Variants in HDGFL2 observed in about 807,000 individuals in gnomAD.
HDGFL2 encodes the protein HDGF like 2.
Under a neutral mutation model 77.1 loss-of-function variants are expected in HDGFL2, and 36 were observed. That is an observed-to-expected ratio of 0.47 (90% CI 0.36 to 0.62). The LOEUF (loss-of-function observed/expected upper bound fraction) is 0.62. Among genes scored for constraint, HDGFL2 ranks in the 20% least tolerant of loss-of-function variants. The probability of loss-of-function intolerance (pLI) is 0.00; values close to 1 mark genes in which losing one functional copy is unlikely to be tolerated. For missense variants in HDGFL2, 976 were observed against 973.4 expected (o/e 1.00, Z -0.04); for synonymous variants, 463 against 413.1 (o/e 1.12, Z -1.46).
At position 4,498,319 on chromosome 19, in the gene HDGFL2, G is replaced by A. The variant is rs1393328287; in HGVS notation, c.1416G>A (p.Glu472=). The change falls in exon 12 of 16, where the codon GAG becomes GAA. Residue 472 remains glutamate, a synonymous_variant. Coordinates refer to ENST00000616600, the MANE Select transcript of HDGFL2 (RefSeq NM_001001520.3). ...CTCCTGGCCCAGAGCCCTCCGTGGA[G>A]GAGAAGCTGCAGAAGCTGCACAGTG... is the stretch of plus-strand genomic sequence containing the variant. ...KVEKKKEPSV[E]EKLQKLHSEI... is the part of the protein sequence containing the mutation. The A allele has an allele frequency of 6.2e-7, 1 of 1,613,620 alleles. No individual in the cohort carries two copies. The highest frequency in any genetic ancestry group is 2.2e-5 in the East Asian group (1 of 44,884).
At chr19:4,493,381 T>C (rs1161450023) in intron 6 of HDGFL2, among the ~76,000 whole-genome samples, 1 of 151,608 alleles carries the variant, frequency 6.6e-6, no homozygotes, top group Non-Finnish European at 1.5e-5. Flanking sequence ...GCAGCTTGTC[T>C]GATGTGGCCT....
At chr19:4,496,663 T>C (rs544896707) in intron 10 of HDGFL2, among the ~76,000 whole-genome samples, 1 of 152,212 alleles carries the variant, frequency 6.6e-6, no homozygotes, top group South Asian at 2.1e-4. Context: ...TCTGTGGTTG[T>C]CATGACTGGG....
At chr19:4,491,271 C>T (rs1599714744) in intron 4 of HDGFL2, among the ~76,000 whole-genome samples, 1 of 114,960 alleles carries the variant, frequency 8.7e-6, no homozygotes, top group Non-Finnish European at 1.9e-5. Context: ...ACCCCCCCAC[C>T]CCCCCACCCC....
chr19:4,499,776 T>C (rs2145219163), intron 14 of HDGFL2, 72 bp downstream of exon 14: 1 of 1,206,924 alleles, frequency 8.3e-7, no homozygotes, highest in East Asian at 2.4e-5. Context: ...TGCAGAACAT[T>C]CCAGAAGGGG....
intron 1 of HDGFL2, 24 bp downstream of exon 1, chr19:4,472,446 C>T: frequency 7.7e-6 from 1 of 130,314 alleles, no homozygotes; most frequent in Non-Finnish European, 1.3e-5. Flanking sequence ...GGAGATGGGG[C>T]CGGTGGGGGG....
At chr19:4,485,098 G>A (rs935922482) in intron 3 of HDGFL2, among the ~76,000 whole-genome samples, 3 of 152,138 alleles carry the variant, frequency 2.0e-5, no homozygotes, top group Admixed American at 6.5e-5. Context: ...GAGCCACTGC[G>A]CCTGGCCCAG....
In HDGFL2 at chr19:4,483,224, G is replaced by C. The variant is rs554213329; in HGVS notation, c.289-5452G>C. ...GACACAAGGGAGACAAAACGTGCTCGGGCCGAGCGGTGACGCTTCACCACA... is the reference window on the plus strand; with the variant it reads ...GACACAAGGGAGACAAAACGTGCTCCGGCCGAGCGGTGACGCTTCACCACA... On this transcript the variant is annotated intron_variant, in intron 3 of 15. Coordinates refer to ENST00000616600, the MANE Select transcript of HDGFL2 (RefSeq NM_001001520.3). Among the ~76,000 whole-genome samples, 147 of 152,278 alleles carry C rather than the reference G, an allele frequency of 9.7e-4. 1 individual carries two copies. Among genetic ancestry groups the C allele is most frequent in the Middle Eastern group, 3.4e-3 (1 of 294 alleles).
intron 9 of HDGFL2, 28 bp from the exon 10 acceptor site, chr19:4,496,274 T>A: frequency 1.3e-6 from 2 of 1,593,984 alleles, no homozygotes; most frequent in Non-Finnish European, 1.7e-6. Flanking sequence ...TTCCCACTGC[T>A]CCAGCGCGCC....
At position 4,494,296 on chromosome 19, in the gene HDGFL2, G is replaced by GAGAAGGAGC. The variant is rs1284880694; in HGVS notation, c.1046_1054dup (p.Glu351_Arg352insGlnLysGlu). 4.2e-6 allele frequency: 6 copies of GAGAAGGAGC among 1,445,152 alleles called. No homozygotes were observed. The highest frequency in any genetic ancestry group is 2.9e-5 in the South Asian group (2 of 68,996). 89.5% of individuals were successfully genotyped at this position (1,445,152 alleles called of 1,614,324 possible). On this transcript the variant is annotated inframe_insertion, in exon 9 of 16. Transcript: ENST00000616600. ...GCGCCTGCGGGAGCAGGAGAAGGAG[G>GAGAAGGAGC]AGAAGGAGCGGAGGCGCGAGCGGGC...
At chr19:4,479,416 T>C (rs923092529) in intron 3 of HDGFL2, among the ~76,000 whole-genome samples, 4 of 147,918 alleles carry the variant, frequency 2.7e-5, no homozygotes, top group Non-Finnish European at 6.0e-5. Context: ...ACCCTGTCTC[T>C]ACTAAAAAAA....
intron 3 of HDGFL2, among the ~76,000 whole-genome samples, chr19:4,478,510 T>C (rs1975130838): frequency 6.6e-6 from 1 of 151,748 alleles, no homozygotes; most frequent in Non-Finnish European, 1.5e-5. Context: ...CCAGGCTCAT[T>C]CTTTTAACAG....
At chr19:4,472,645 G>C (rs1417815506) in intron 1 of HDGFL2, among the ~76,000 whole-genome samples, 2 of 150,538 alleles carry the variant, frequency 1.3e-5, no homozygotes, top group African/African-American at 2.4e-5. Context: ...TAGGGGTCTG[G>C]GGTTGTCCGG....
intron 3 of HDGFL2, among the ~76,000 whole-genome samples, chr19:4,483,639 C>T (rs998279230): frequency 2.6e-5 from 4 of 152,158 alleles, no homozygotes; most frequent in South Asian, 2.1e-4. Flanking sequence ...CCTCGTCTCC[C>T]GCGAGCCCCG....
In HDGFL2 at chr19:4,502,182, C is replaced by A; in HGVS notation, c.*172C>A. The A allele has an allele frequency of 1.5e-6, 1 of 677,634 alleles. No individual in the cohort carries two copies. 42.0% of individuals were successfully genotyped at this position (677,634 alleles called of 1,614,324 possible). ...GTGATTTCCAACCAACATGAAATGA[C>A]TATAAATGGTTTTTTAATGAAAAAA... is the stretch of plus-strand genomic sequence containing the variant. On this transcript the variant is annotated 3_prime_UTR_variant, in exon 16 of 16. Coordinates refer to ENST00000616600, the MANE Select transcript of HDGFL2 (RefSeq NM_001001520.3).
intron 3 of HDGFL2, among the ~76,000 whole-genome samples, chr19:4,482,082 G>C (rs969459433): frequency 2.9e-5 from 4 of 139,608 alleles, no homozygotes; most frequent in Admixed American, 1.6e-4. Flanking sequence ...GCCGAGGCTG[G>C]AGTGCAGTGG....
At chr19:4,488,127 C>T (rs960255460) in intron 3 of HDGFL2, among the ~76,000 whole-genome samples, 1 of 152,154 alleles carries the variant, frequency 6.6e-6, no homozygotes, top group African/African-American at 2.4e-5. Context: ...CCCACCACCA[C>T]ACCCATCTAA....
chr19:4,488,555 G>T, intron 3 of HDGFL2, 121 bp from the exon 4 acceptor site: 1 of 882,368 alleles, frequency 1.1e-6, no homozygotes, highest in South Asian at 1.7e-5. Context: ...GTAAAGCCAG[G>T]AGACAACACG....
intron 4 of HDGFL2, 31 bp from the exon 5 acceptor site, chr19:4,491,535 T>A: frequency 6.3e-7 from 1 of 1,594,558 alleles, no homozygotes; most frequent in Non-Finnish European, 8.6e-7. Flanking sequence ...GGCCTTCCCA[T>A]CACTGAGCAT....
chr19:4,497,646 C>T, intron 10 of HDGFL2: 1 of 433,130 alleles, frequency 2.3e-6, no homozygotes. Context: ...CCCTTGAGGG[C>T]CTTTTCCTAG....
Sources: gnomAD v4.1 joint callset for allele counts (sites outside exome capture counted in the v4.1 genomes callset) on GRCh38, gnomAD v4.1.1 for gene constraint, MANE v1.5 for transcripts, NCBI Gene and HGNC (gene_info 2026-07-23, HGNC 2026-07-21) for gene names.